EEFSEC: variants seen among roughly 807,000 people sequenced by gnomAD.
EEFSEC encodes the protein eukaryotic elongation factor, selenocysteine-tRNA specific.
A neutral mutation model predicts 42.1 loss-of-function variants in EEFSEC; 43 were observed. The ratio of observed to expected loss-of-function variants is 1.02; its 90% confidence interval spans 0.80 to 1.32. EEFSEC has a LOEUF of 1.32. Ranked by LOEUF, EEFSEC falls within the 40% of genes most tolerant of loss-of-function variation. The probability of loss-of-function intolerance (pLI) is 0.00; values close to 1 mark genes in which losing one functional copy is unlikely to be tolerated. For synonymous variants in EEFSEC, 354 were observed against 339.1 expected, an observed-to-expected ratio of 1.04 and a Z score of -0.48; for missense variants, 745 against 803.6, an observed-to-expected ratio of 0.93 and a Z score of 0.88.
At chr3:128,313,960 CCT>C (rs762480009) in intron 4 of EEFSEC, among the ~76,000 whole-genome samples, 8 of 152,152 alleles carry the variant, frequency 5.3e-5, no homozygotes, top group East Asian at 1.9e-4. Flanking sequence ...TGTATCTCCC[CCT>C]GTTTCTTACA....
chr3:128,164,722 G>A (rs1045185051), intron 1 of EEFSEC, among the ~76,000 whole-genome samples: 1 of 152,220 alleles, frequency 6.6e-6, no homozygotes, highest in Non-Finnish European at 1.5e-5. Flanking sequence ...GAGGGCTGGA[G>A]TGTGACTGGG....
At chr3:128,368,258 C>A (rs1164376240) in intron 6 of EEFSEC, among the ~76,000 whole-genome samples, 2 of 152,178 alleles carry the variant, frequency 1.3e-5, no homozygotes, top group Middle Eastern at 3.4e-3. Flanking sequence ...GTGGCAAAAC[C>A]CCATCTCTAA....
chr3:128,330,242 T>A (rs574016040), intron 4 of EEFSEC, among the ~76,000 whole-genome samples: 1 of 152,332 alleles, frequency 6.6e-6, no homozygotes, highest in African/African-American at 2.4e-5. Flanking sequence ...TTGCAGTGAC[T>A]GGGAGGTTAA....
intron 4 of EEFSEC, among the ~76,000 whole-genome samples, chr3:128,285,273 G>T (rs2066571309): frequency 6.6e-6 from 1 of 152,142 alleles, no homozygotes. Flanking sequence ...GGAAGAAGGT[G>T]CCTCTGGCGT....
Position 128,341,741 on chromosome 3 carries a change from G to C in EEFSEC, c.1295G>C (p.Arg432Thr). The C allele has an allele frequency of 6.2e-7, 1 of 1,614,120 alleles. No homozygotes were observed. Among genetic ancestry groups the C allele is most frequent in the South Asian group, 1.1e-5 (1 of 91,088 alleles). The change falls in exon 5 of 7, where the codon AGG becomes ACG. Residue 432 changes from arginine (R) to threonine (T), a missense_variant. Physicochemically the swap from Arg to Thr is moderately conservative, Grantham distance 71 (BLOSUM62 -1). Transcript: ENST00000254730. ...CGGCTGTGCCTGGTGATTGGCTCCAGGCTAGATGCGGACATTCACACCAAC... is the reference window on the plus strand; with the variant it reads ...CGGCTGTGCCTGGTGATTGGCTCCACGCTAGATGCGGACATTCACACCAAC... ...CPRLCLVIGS[R>T]LDADIHTNTC...
At chr3:128,301,789 C>G (rs1347124177) in intron 4 of EEFSEC, among the ~76,000 whole-genome samples, 1 of 152,074 alleles carries the variant, frequency 6.6e-6, no homozygotes, top group Non-Finnish European at 1.5e-5. Flanking sequence ...GCAGAAGGGA[C>G]TTACACATGT....
the EEFSEC span, among the ~76,000 whole-genome samples, chr3:128,422,287 G>A: frequency 3.9e-5 from 6 of 152,344 alleles, no homozygotes; most frequent in South Asian, 2.1e-4. Flanking sequence ...GGCATGGGGC[G>A]GCTCCTGCAT....
chr3:128,236,458 C>T (rs750994839), intron 1 of EEFSEC, among the ~76,000 whole-genome samples: 1 of 152,152 alleles, frequency 6.6e-6, no homozygotes, highest in African/African-American at 2.4e-5. Context: ...CAGCAGGCTC[C>T]CAGAATGTCA....
At chr3:128,204,765 G>C (rs1029839984) in intron 1 of EEFSEC, among the ~76,000 whole-genome samples, 2 of 152,110 alleles carry the variant, frequency 1.3e-5, no homozygotes, top group Non-Finnish European at 2.9e-5. Flanking sequence ...CAGTCTGTGC[G>C]TCAGTGAGAC....
At chr3:128,184,828 C>G (rs901823161) in intron 1 of EEFSEC, among the ~76,000 whole-genome samples, 2 of 152,122 alleles carry the variant, frequency 1.3e-5, no homozygotes, top group African/African-American at 4.8e-5. Flanking sequence ...TCAATTGTAT[C>G]ACAAACTCTG....
chr3:128,361,543 G>A (rs961157936), intron 6 of EEFSEC, among the ~76,000 whole-genome samples: 38 of 152,294 alleles, frequency 2.5e-4, no homozygotes, highest in African/African-American at 8.7e-4. Context: ...AAGCTGAACC[G>A]TAATATGCAA....
chr3:128,370,216 G>C (rs1037436476), intron 6 of EEFSEC, among the ~76,000 whole-genome samples: 6 of 152,214 alleles, frequency 3.9e-5, no homozygotes, highest in African/African-American at 1.4e-4. Context: ...CTACAGAGGT[G>C]ATTTCGGGGC....
chr3:128,185,653 T>C (rs2811481), intron 1 of EEFSEC, among the ~76,000 whole-genome samples: 44,283 of 152,002 alleles, frequency 0.29, 6,685 homozygotes, highest in South Asian at 0.37. Context: ...CCTTGAACTC[T>C]TGGGCTCAAG....
chr3:128,185,451 T>G (rs928879022), intron 1 of EEFSEC, among the ~76,000 whole-genome samples: 1 of 152,112 alleles, frequency 6.6e-6, no homozygotes, highest in Non-Finnish European at 1.5e-5. Context: ...TTTTTTTTTC[T>G]TTTTTGAGAC....
At chr3:128,214,837 A>G (rs2065793254) in intron 1 of EEFSEC, among the ~76,000 whole-genome samples, 1 of 152,172 alleles carries the variant, frequency 6.6e-6, no homozygotes, top group Non-Finnish European at 1.5e-5. Flanking sequence ...CTCTTTGAAG[A>G]TGGTGGTGGG....
At position 128,246,902 on chromosome 3, in the gene EEFSEC, C is replaced by T. The variant is rs2066134358; in HGVS notation, c.383C>T (p.Ala128Val). 2 of 1,614,048 alleles carry T rather than the reference C, an allele frequency of 1.2e-6. No homozygotes were observed. Among genetic ancestry groups the T allele is most frequent in the Non-Finnish European group, 1.7e-6 (2 of 1,180,034 alleles). ...ACCAAGGGGATGCAGACCCAGTCAGCGGAATGCCTTGTGATCGGCCAGATT... is the reference window on the plus strand; with the variant it reads ...ACCAAGGGGATGCAGACCCAGTCAGTGGAATGCCTTGTGATCGGCCAGATT... ...DVTKGMQTQS[A>V]ECLVIGQIAC... Residue 128 changes from alanine to valine, a missense_variant, in exon 2 of 7, where the codon GCG becomes GTG. Ala to Val is a moderately conservative substitution (Grantham distance 64). Transcript: ENST00000254730.
chr3:128,209,216 A>G (rs904112217), intron 1 of EEFSEC, among the ~76,000 whole-genome samples: 2 of 152,220 alleles, frequency 1.3e-5, no homozygotes, highest in African/African-American at 2.4e-5. Context: ...AGAGCCTTTC[A>G]TCCTTAATAC....
intron 1 of EEFSEC, among the ~76,000 whole-genome samples, chr3:128,157,864 T>A (rs2107756151): frequency 6.6e-6 from 1 of 152,370 alleles, no homozygotes; most frequent in African/African-American, 2.4e-5. Flanking sequence ...TTTCAGGTCT[T>A]ATTATTTAAG....
intron 1 of EEFSEC, among the ~76,000 whole-genome samples, chr3:128,227,633 C>T (rs1361575124): frequency 6.6e-6 from 1 of 152,214 alleles, no homozygotes; most frequent in Non-Finnish European, 1.5e-5. Context: ...GGCATTAACT[C>T]AGGGGCCTTG....
Sources: gnomAD v4.1 joint callset for allele counts (sites outside exome capture counted in the v4.1 genomes callset) on GRCh38, gnomAD v4.1.1 for gene constraint, MANE v1.5 for transcripts, NCBI Gene and HGNC (gene_info 2026-07-23, HGNC 2026-07-21) for gene names.